The following SH3PXD2A variants were observed in gnomAD, a reference collection of about 807,000 sequenced individuals.
SH3PXD2A encodes SH3 and PX domains 2A.
Under a neutral mutation model 115.2 loss-of-function variants are expected in SH3PXD2A, and 32 were observed. The observed-to-expected ratio is 0.28, with a 90% CI of 0.21 to 0.37. The LOEUF is 0.37. Among genes scored for constraint, SH3PXD2A ranks in the 10% least tolerant of loss-of-function variants. The pLI, the probability that SH3PXD2A is intolerant of heterozygous loss-of-function variation, is 1.00. For missense variants in SH3PXD2A, 1,328 were observed against 1,498.7 expected, an observed-to-expected ratio of 0.89 and a Z score of 1.88; for synonymous variants, 610 against 629.1, an observed-to-expected ratio of 0.97 and a Z score of 0.45.
At chr10:103,735,886 C>CT in intron 3 of SH3PXD2A, 78 bp from the exon 4 acceptor site, 1 of 1,128,940 alleles carries the variant, frequency 8.9e-7, no homozygotes, top group Non-Finnish European at 1.4e-6. Context: ...TCTCCCTTGG[C>CT]TTCTCAGCAT....
At chr10:103,683,790 A>G (rs1179713840) in intron 6 of SH3PXD2A, among the ~76,000 whole-genome samples, 1 of 151,824 alleles carries the variant, frequency 6.6e-6, no homozygotes. Flanking sequence ...GCCCATCACA[A>G]TCTCCTCTGT....
rs367916265 is a variant in SH3PXD2A at position 103,697,582 on chromosome 10, G to A, written c.399-4526C>T. On this transcript the variant is annotated intron_variant, in intron 5 of 14. Coordinates refer to ENST00000369774, the MANE Select transcript of SH3PXD2A (RefSeq NM_001394015.1). The stretch of plus-strand genomic sequence containing the variant: ...AAGTGTGTTCATCCCTGACCCACAG[G>A]AATGGACGCACGCCTCTGGACCCCT... 1.6e-4 allele frequency among the ~76,000 whole-genome samples: 25 copies of A among 152,168 alleles called. No individual in the cohort carries two copies. The East Asian group carries it at 4.1e-3, about 25-fold the overall frequency.
At chr10:103,788,148 T>C (rs1392313011) in intron 2 of SH3PXD2A, among the ~76,000 whole-genome samples, 2 of 152,188 alleles carry the variant, frequency 1.3e-5, no homozygotes, top group African/African-American at 2.4e-5. Flanking sequence ...AATCTCATAA[T>C]AATAATGCTT....
chr10:103,761,530 G>A (rs1037766311), intron 3 of SH3PXD2A, among the ~76,000 whole-genome samples: 2 of 152,192 alleles, frequency 1.3e-5, no homozygotes, highest in African/African-American at 2.4e-5. Flanking sequence ...TAAGTTAAGT[G>A]GTTTAATTGC....
intron 5 of SH3PXD2A, among the ~76,000 whole-genome samples, chr10:103,695,709 G>A (rs2037816912): frequency 6.6e-6 from 1 of 152,158 alleles, no homozygotes; most frequent in South Asian, 2.1e-4. Flanking sequence ...TGGGGATTCT[G>A]AGGCTGCTCC....
intron 1 of SH3PXD2A, among the ~76,000 whole-genome samples, chr10:103,812,701 C>A (rs1346457716): frequency 6.6e-6 from 1 of 152,162 alleles, no homozygotes; most frequent in Non-Finnish European, 1.5e-5. Flanking sequence ...CACACACAGC[C>A]TGCAGGGGAA....
At chr10:103,781,897 G>A (rs1191214616) in intron 2 of SH3PXD2A, among the ~76,000 whole-genome samples, 1 of 152,132 alleles carries the variant, frequency 6.6e-6, no homozygotes, top group African/African-American at 2.4e-5. Context: ...TGAATTGCAG[G>A]GAGGAGCCTC....
At chr10:103,711,737 C>T (rs2038048834) in intron 5 of SH3PXD2A, among the ~76,000 whole-genome samples, 1 of 152,134 alleles carries the variant, frequency 6.6e-6, no homozygotes, top group Admixed American at 6.5e-5. Context: ...GTCTCCAAAA[C>T]CTGGAGTTTG....
chr10:103,838,685 C>G (rs2039568809), intron 1 of SH3PXD2A, among the ~76,000 whole-genome samples: 1 of 152,206 alleles, frequency 6.6e-6, no homozygotes, highest in Non-Finnish European at 1.5e-5. Context: ...CCTACAGGAC[C>G]AGGCTCCTGG....
chr10:103,628,284 C>T (rs1018552640), intron 8 of SH3PXD2A, among the ~76,000 whole-genome samples: 4 of 152,202 alleles, frequency 2.6e-5, no homozygotes, highest in African/African-American at 7.2e-5. Context: ...AGGTCCCCAC[C>T]GCCCCACATG....
intron 5 of SH3PXD2A, among the ~76,000 whole-genome samples, chr10:103,721,669 C>G (rs772712666): frequency 5.9e-5 from 9 of 152,182 alleles, no homozygotes; most frequent in Non-Finnish European, 1.0e-4. Flanking sequence ...AGGAGCATCT[C>G]CTCTCTCCCC....
chr10:103,602,626 G>A lies in SH3PXD2A; in HGVS notation c.2592C>T (p.Gly864=), dbSNP rs374962923. 1.1e-5 allele frequency: 17 copies of A among 1,613,966 alleles called. No individual in the cohort carries two copies. Among genetic ancestry groups the A allele is most frequent in the Middle Eastern group, 1.6e-4 (1 of 6,084 alleles). Residue 864 remains glycine (G), a synonymous_variant, in exon 15 of 15, where the codon GGC becomes GGT. Coordinates refer to ENST00000369774, the MANE Select transcript of SH3PXD2A (RefSeq NM_001394015.1). ...GCTTCTCCAGCACCTGCACCTCCAC[G>A]CCCGCGGGGAAGCTGATCTCCGAGT... The part of the protein sequence containing the change: ...VQDSEISFPA[G]VEVQVLEKQE...
At chr10:103,773,345 GT>G (rs965349364) in intron 2 of SH3PXD2A, among the ~76,000 whole-genome samples, 27 of 152,152 alleles carry the variant, frequency 1.8e-4, no homozygotes, top group Admixed American at 9.8e-4. Flanking sequence ...GGACTAAGCA[GT>G]CCCCTGTGTT....
intron 2 of SH3PXD2A, among the ~76,000 whole-genome samples, chr10:103,769,465 T>C (rs1257496932): frequency 1.3e-5 from 2 of 150,830 alleles, no homozygotes; most frequent in Non-Finnish European, 3.0e-5. Flanking sequence ...TTTTTTTTTT[T>C]TGAGACAGAG....
chr10:103,789,041 A>G (rs1266271544), intron 2 of SH3PXD2A, among the ~76,000 whole-genome samples: 1 of 152,164 alleles, frequency 6.6e-6, no homozygotes, highest in Non-Finnish European at 1.5e-5. Context: ...ATTGCCTCCC[A>G]GAGGGACGAA....
rs1477908828 is a variant in SH3PXD2A at position 103,605,909 on chromosome 10, T to G, written c.1317A>C (p.Gln439His). 1 of 1,614,044 alleles carries G rather than the reference T, an allele frequency of 6.2e-7. No homozygotes were observed. The highest frequency in any genetic ancestry group is 1.7e-5 in the Admixed American group (1 of 60,008). ...AAGGGGGCTCTGGTGGCTTTGGCAGTTGGAACCCCTAAGGTTAAGGAACAC... is the reference window on the plus strand; with the variant it reads ...AAGGGGGCTCTGGTGGCTTTGGCAGGTGGAACCCCTAAGGTTAAGGAACAC... Reference protein sequence around the residue: ...PPRRESSLGFQLPKPPEPPSV... With the variant: ...PPRRESSLGFHLPKPPEPPSV... Residue 439 changes from glutamine (Q) to histidine (H), a missense_variant, in exon 14 of 15, where the codon CAA (glutamine) becomes CAC (histidine). Physicochemically the swap from Gln to His is conservative, Grantham distance 24. Transcript: ENST00000369774.
chr10:103,824,235 G>A (rs1005291105), intron 1 of SH3PXD2A, among the ~76,000 whole-genome samples: 13 of 152,146 alleles, frequency 8.5e-5, no homozygotes, highest in Non-Finnish European at 1.6e-4. Flanking sequence ...TTGGAGCTTT[G>A]ATTTCCTCGT....
At chr10:103,722,148 A>G (rs370773837) in intron 5 of SH3PXD2A, among the ~76,000 whole-genome samples, 2 of 152,154 alleles carry the variant, frequency 1.3e-5, no homozygotes, top group East Asian at 3.9e-4. Flanking sequence ...TACTAAAAAT[A>G]CAAAAATTAG....
chr10:103,763,811 G>A (rs1161604822), intron 3 of SH3PXD2A, among the ~76,000 whole-genome samples: 1 of 152,228 alleles, frequency 6.6e-6, no homozygotes, highest in African/African-American at 2.4e-5. Flanking sequence ...GCAGCCCACA[G>A]ACAATGGATG....
Sources: gnomAD v4.1 joint callset for allele counts (sites outside exome capture counted in the v4.1 genomes callset) on GRCh38, gnomAD v4.1.1 for gene constraint, MANE v1.5 for transcripts, NCBI Gene and HGNC (gene_info 2026-07-23, HGNC 2026-07-21) for gene names.